Variants in RYR2 observed in about 807,000 individuals in gnomAD.
RYR2 encodes ryanodine receptor 2.
RYR2 carries 227 observed loss-of-function variants against 601.1 expected under a neutral mutation model. The observed-to-expected ratio is 0.38, with a 90% CI of 0.34 to 0.42. The LOEUF (loss-of-function observed/expected upper bound fraction) is 0.42, where lower values mean the gene tolerates loss of function less well. RYR2 is among the 10% of genes least tolerant of loss of function. The pLI, the probability that RYR2 is intolerant of heterozygous loss-of-function variation, is 1.00. For missense variants in RYR2, 4,646 were observed against 6,156.5 expected (o/e 0.75, Z 8.21); for synonymous variants, 2,223 against 2,175.1 (o/e 1.02, Z -0.61).
chr1:237,506,394 C>T (rs978210056), intron 22 of RYR2, among the ~76,000 whole-genome samples: 3 of 151,892 alleles, frequency 2.0e-5, no homozygotes, highest in African/African-American at 4.8e-5. Flanking sequence ...AAAAATTAGC[C>T]GGGCGTAGTG....
At chr1:237,137,241 C>T (rs1006508382) in intron 1 of RYR2, among the ~76,000 whole-genome samples, 14 of 152,102 alleles carry the variant, frequency 9.2e-5, no homozygotes, top group Admixed American at 2.0e-4. Flanking sequence ...GTGGAAGGAG[C>T]CTGGGTCAGT....
chr1:237,576,365 T>C (rs1415593776), intron 29 of RYR2, among the ~76,000 whole-genome samples: 1 of 152,184 alleles, frequency 6.6e-6, no homozygotes, highest in Non-Finnish European at 1.5e-5. Flanking sequence ...TGTGAAGCTA[T>C]AGTCATTAAA....
intron 64 of RYR2, 117 bp from the exon 65 acceptor site, chr1:237,700,112 G>T (rs1193270206): frequency 1.5e-6 from 1 of 676,350 alleles, no homozygotes; most frequent in Non-Finnish European, 2.5e-6. Flanking sequence ...GATTTTAAAA[G>T]TTGGTTACCA....
intron 7 of RYR2, among the ~76,000 whole-genome samples, chr1:237,375,166 G>C (rs1700923776): frequency 6.6e-6 from 1 of 152,134 alleles, no homozygotes; most frequent in African/African-American, 2.4e-5. Context: ...CATACTTGAT[G>C]CCAACATTCA....
At chr1:237,291,473 A>G (rs751317913) in intron 2 of RYR2, among the ~76,000 whole-genome samples, 9 of 152,208 alleles carry the variant, frequency 5.9e-5, no homozygotes, top group Non-Finnish European at 8.8e-5. Flanking sequence ...GTCCCCACAA[A>G]CACCTGCACA....
chr1:237,728,981 T>C (rs1168878217), intron 76 of RYR2, among the ~76,000 whole-genome samples: 1 of 112,596 alleles, frequency 8.9e-6, no homozygotes, highest in African/African-American at 2.6e-5. Flanking sequence ...AACTTTGAAT[T>C]CACATTATCA....
intron 1 of RYR2, among the ~76,000 whole-genome samples, chr1:237,111,615 C>T (rs910496962): frequency 7.0e-6 from 1 of 142,656 alleles, no homozygotes; most frequent in African/African-American, 2.6e-5. Flanking sequence ...AAAAAAAAGG[C>T]ACATTTGAAG....
chr1:237,785,931 G>A, intron 90 of RYR2, 38 bp from the exon 91 acceptor site: 1 of 1,406,380 alleles, frequency 7.1e-7, no homozygotes, highest in Non-Finnish European at 1.0e-6. Flanking sequence ...AAGGTGATGG[G>A]TAATCCTGGT....
At position 237,436,621 on chromosome 1, in the gene RYR2, T is replaced by TA. The variant is rs768760612; in HGVS notation, c.1006-4691dup. 7.3e-5 allele frequency among the ~76,000 whole-genome samples: 11 copies of TA among 149,852 alleles called. 1 individual carries two copies. The highest frequency in any genetic ancestry group is 6.7e-4 in the Admixed American group (10 of 14,934). ...CAGTGCGGCACCATAAAGGAGCAAA[T>TA]AAAAAAATTCTTTTGACTTTTTAAT... On this transcript the variant is annotated intron_variant, in intron 12 of 104. Transcript: ENST00000366574.
Position 237,614,470 on chromosome 1 carries a change from A to G in RYR2, c.5342A>G (p.Glu1781Gly). 1 of 1,614,036 alleles carries G rather than the reference A, an allele frequency of 6.2e-7. No homozygotes were observed. Among genetic ancestry groups the G allele is most frequent in the South Asian group, 1.1e-5 (1 of 91,082 alleles). ...AATGAATGTTACCAGTACAGTCCAG[A>G]GTTCCCACTGGACATCCTCAAGTCC... ...ISNECYQYSP[E>G]FPLDILKSKT... The change falls in exon 37 of 105, where the codon GAG (glutamate) becomes GGG (glycine). Residue 1781 changes from glutamate to glycine, a missense_variant. By Grantham distance (98) the Glu-to-Gly change is moderately conservative. This residue lies in a region of RYR2 where 1,807 missense variants were observed against 2,088.1 expected (regional missense o/e 0.87). Transcript: ENST00000366574. This position sits in a 1 kb window ranked among gnomAD's most constrained non-coding sequence, Gnocchi z 4.3.
intron 22 of RYR2, 106 bp downstream of exon 22, chr1:237,503,611 C>A: frequency 1.0e-6 from 1 of 974,410 alleles, no homozygotes; most frequent in Non-Finnish European, 1.6e-6. Context: ...CACAGTAATA[C>A]AGTTGTACAG....
At chr1:237,084,354 G>C (rs1219809438) in intron 1 of RYR2, among the ~76,000 whole-genome samples, 2 of 152,132 alleles carry the variant, frequency 1.3e-5, no homozygotes, top group Non-Finnish European at 2.9e-5. Context: ...AAGGCAATCA[G>C]GCTACATAAG....
chr1:237,220,509 G>A (rs549656004), intron 1 of RYR2, among the ~76,000 whole-genome samples: 1 of 152,248 alleles, frequency 6.6e-6, no homozygotes, highest in African/African-American at 2.4e-5. Context: ...TCAGCCTGTC[G>A]TAGGACTTCT....
chr1:237,213,234 G>A (rs1206677531), intron 1 of RYR2, among the ~76,000 whole-genome samples: 1 of 151,968 alleles, frequency 6.6e-6, no homozygotes, highest in African/African-American at 2.4e-5. Context: ...CTGGAGTGCA[G>A]TGGTGCAATC....
At chr1:237,084,840 C>T (rs992231828) in intron 1 of RYR2, among the ~76,000 whole-genome samples, 2 of 152,194 alleles carry the variant, frequency 1.3e-5, no homozygotes, top group African/African-American at 4.8e-5. Context: ...CCTCTGTGCC[C>T]ATGCAGGAAG....
At chr1:237,135,435 T>C (rs1210561123) in intron 1 of RYR2, among the ~76,000 whole-genome samples, 1 of 151,780 alleles carries the variant, frequency 6.6e-6, no homozygotes, top group Non-Finnish European at 1.5e-5. Flanking sequence ...AGTGGCACGA[T>C]CTCGGCTCAC....
At chr1:237,776,928 T>C (rs941658150) in intron 87 of RYR2, among the ~76,000 whole-genome samples, 8 of 152,348 alleles carry the variant, frequency 5.3e-5, no homozygotes, top group African/African-American at 1.7e-4. Flanking sequence ...CCCATCCACC[T>C]TGGAATTATG....
chr1:237,681,893 C>A (rs1373846375), intron 62 of RYR2, among the ~76,000 whole-genome samples: 1 of 152,176 alleles, frequency 6.6e-6, no homozygotes, highest in Non-Finnish European at 1.5e-5. Context: ...AAATTGAGGA[C>A]ACGTTGAAGT....
At chr1:237,408,310 G>T (rs958615677) in intron 10 of RYR2, among the ~76,000 whole-genome samples, 1 of 150,882 alleles carries the variant, frequency 6.6e-6, no homozygotes, top group Non-Finnish European at 1.5e-5. Flanking sequence ...TTGTTGAAAA[G>T]ACTATATTTT....
Sources: allele counts gnomAD v4.1 joint callset (sites outside exome capture counted in the v4.1 genomes callset), GRCh38; gene constraint gnomAD v4.1.1; regional missense constraint gnomAD v4.1.1; non-coding constraint Gnocchi (gnomAD v3.1); transcripts MANE v1.5; gene names NCBI Gene and HGNC (gene_info 2026-07-23, HGNC 2026-07-21).